Variants in ERBB4 observed in about 807,000 individuals in gnomAD.
ERBB4 encodes erb-b2 receptor tyrosine kinase 4, also known as receptor tyrosine-protein kinase erbB-4.
ERBB4 carries 42 observed loss-of-function variants against 158.0 expected under a neutral mutation model. The ratio of observed to expected loss-of-function variants is 0.27; its 90% CI spans 0.21 to 0.34. The LOEUF (loss-of-function observed/expected upper bound fraction) is 0.34, where lower values mean the gene tolerates loss of function less well. Ranked by LOEUF, ERBB4 falls within the 10% of genes least tolerant of loss-of-function variation. The pLI, the probability that ERBB4 is intolerant of heterozygous loss-of-function variation, is 1.00. For synonymous variants in ERBB4, 583 were observed against 558.7 expected, an observed-to-expected ratio of 1.04 and a Z score of -0.61; for missense variants, 1,333 against 1,624.1, an observed-to-expected ratio of 0.82 and a Z score of 3.08.
chr2:212,261,583 A>G (rs2084946275), intron 1 of ERBB4, among the ~76,000 whole-genome samples: 1 of 152,158 alleles, frequency 6.6e-6, no homozygotes, highest in Non-Finnish European at 1.5e-5. Context: ...AAAGATAATC[A>G]AAGGAAATGA....
intron 9 of ERBB4, among the ~76,000 whole-genome samples, chr2:211,711,418 T>C (rs567136366): frequency 6.6e-6 from 1 of 152,286 alleles, no homozygotes; most frequent in East Asian, 1.9e-4. Flanking sequence ...ATTCAAAGAA[T>C]ACAAACTTGT....
At chr2:212,326,920 AG>A (rs1163818013) in intron 1 of ERBB4, among the ~76,000 whole-genome samples, 1 of 151,072 alleles carries the variant, frequency 6.6e-6, no homozygotes, top group Non-Finnish European at 1.5e-5. Context: ...ACAGGAACGA[AG>A]GAATTCTAAC....
intron 20 of ERBB4, among the ~76,000 whole-genome samples, chr2:211,560,813 T>C (rs1311436042): frequency 6.6e-6 from 1 of 152,178 alleles, no homozygotes; most frequent in African/African-American, 2.4e-5. Context: ...AGAACTAAGC[T>C]GAGCTTTTCT....
chr2:211,650,559 C>T (rs1241161377), intron 16 of ERBB4, among the ~76,000 whole-genome samples: 1 of 152,068 alleles, frequency 6.6e-6, no homozygotes, highest in Non-Finnish European at 1.5e-5. Flanking sequence ...CCCATTGAAG[C>T]TGATGAAATA....
intron 1 of ERBB4, among the ~76,000 whole-genome samples, chr2:212,392,829 C>T (rs2090917447): frequency 6.6e-6 from 1 of 152,000 alleles, no homozygotes; most frequent in Non-Finnish European, 1.5e-5. Context: ...ATTATATTCT[C>T]TGCTAAGATG....
chr2:212,011,182 A>G (rs1433852752), intron 2 of ERBB4, among the ~76,000 whole-genome samples: 1 of 152,180 alleles, frequency 6.6e-6, no homozygotes. Flanking sequence ...TAAAGTAAAG[A>G]CAGGCATAAA....
intron 20 of ERBB4, among the ~76,000 whole-genome samples, chr2:211,547,047 C>T (rs920944295): frequency 2.6e-5 from 4 of 152,086 alleles, no homozygotes; most frequent in Admixed American, 6.6e-5. Flanking sequence ...GAACTACACA[C>T]GCACATACAC....
At chr2:211,852,682 T>A (rs1186889906) in intron 3 of ERBB4, among the ~76,000 whole-genome samples, 2 of 136,072 alleles carry the variant, frequency 1.5e-5, no homozygotes, top group African/African-American at 5.4e-5. Flanking sequence ...GTCTATCCAC[T>A]CTTCAATAGA....
chr2:212,456,837 G>T (rs1186565020), intron 1 of ERBB4, among the ~76,000 whole-genome samples: 3 of 151,874 alleles, frequency 2.0e-5, no homozygotes, highest in African/African-American at 7.2e-5. Flanking sequence ...TTATCAAATA[G>T]TAATTGTAAG....
chr2:211,390,337 A>G (rs72947685), intron 25 of ERBB4, among the ~76,000 whole-genome samples: 4,641 of 152,320 alleles, frequency 0.03, 105 homozygotes, highest in East Asian at 0.089. Context: ...AAGAAAAGGC[A>G]AGAATGAAAC....
intron 1 of ERBB4, among the ~76,000 whole-genome samples, chr2:212,185,515 G>A (rs1362356211): frequency 6.6e-6 from 1 of 152,044 alleles, no homozygotes; most frequent in Admixed American, 6.6e-5. Flanking sequence ...CTGTTAACAC[G>A]TAAGTACTTC....
intron 1 of ERBB4, among the ~76,000 whole-genome samples, chr2:212,201,933 G>A (rs1477881030): frequency 6.6e-6 from 1 of 152,030 alleles, no homozygotes; most frequent in Non-Finnish European, 1.5e-5. Context: ...TATATGTATT[G>A]GTATGTTTGT....
At chr2:212,024,797 C>T (rs1321672433) in intron 2 of ERBB4, among the ~76,000 whole-genome samples, 4 of 151,630 alleles carry the variant, frequency 2.6e-5, no homozygotes, top group Non-Finnish European at 5.9e-5. Context: ...AAAATCAATC[C>T]TAAAATCTAC....
chr2:211,534,978 C>T (rs2066606510), intron 20 of ERBB4, among the ~76,000 whole-genome samples: 1 of 152,020 alleles, frequency 6.6e-6, no homozygotes, highest in South Asian at 2.1e-4. Flanking sequence ...TTACCATCAC[C>T]AGGGAAATTT....
rs544488863 is a variant in ERBB4 at position 212,276,419 on chromosome 2, T to C, written c.83-151516A>G. Among the ~76,000 whole-genome samples the C allele has an allele frequency of 2.0e-5, 3 of 151,882 alleles. No individual in the cohort carries two copies. In the South Asian group the frequency reaches 6.2e-4, roughly 32 times the overall value. ...ATTCAAGAGACTAAGCTGGTGTGCC[T>C]TTTGGAAAGTAAGTGAGGACCTTAA... On this transcript the variant is annotated intron_variant, in intron 1 of 27. Coordinates refer to ENST00000342788, the MANE Select transcript of ERBB4 (RefSeq NM_005235.3).
At chr2:211,945,623 G>T (rs971331077) in intron 3 of ERBB4, among the ~76,000 whole-genome samples, 1 of 151,936 alleles carries the variant, frequency 6.6e-6, no homozygotes, top group African/African-American at 2.4e-5. Context: ...TTATATTTTG[G>T]TATGCACAAG....
intron 2 of ERBB4, among the ~76,000 whole-genome samples, chr2:212,025,543 G>A (rs2076753385): frequency 1.3e-5 from 2 of 151,764 alleles, no homozygotes; most frequent in Non-Finnish European, 3.0e-5. Context: ...TAGAAAGTGT[G>A]AATAGTTCAT....
At chr2:211,782,610 T>C (rs1031735858) in intron 4 of ERBB4, among the ~76,000 whole-genome samples, 3 of 152,284 alleles carry the variant, frequency 2.0e-5, no homozygotes, top group Admixed American at 2.0e-4. Flanking sequence ...AGAACATTAA[T>C]ATGGAAAAAT....
At chr2:212,343,356 T>A (rs1363691091) in intron 1 of ERBB4, among the ~76,000 whole-genome samples, 1 of 152,194 alleles carries the variant, frequency 6.6e-6, no homozygotes, top group Admixed American at 6.5e-5. Context: ...TGTCATTGTG[T>A]CACAGTCCAG....
Sources: gnomAD v4.1 joint callset for allele counts (sites outside exome capture counted in the v4.1 genomes callset) on GRCh38, gnomAD v4.1.1 for gene constraint, MANE v1.5 for transcripts, NCBI Gene and HGNC (gene_info 2026-07-23, HGNC 2026-07-21) for gene names.